ALCAM: variants seen among roughly 807,000 people sequenced by gnomAD.
ALCAM encodes CD166 antigen.
A neutral mutation model predicts 70.9 loss-of-function variants in ALCAM; 30 were observed. That is an observed-to-expected ratio of 0.42 (90% CI 0.32 to 0.57). The LOEUF (loss-of-function observed/expected upper bound fraction) is 0.57. Among genes scored for constraint, ALCAM ranks in the 20% least tolerant of loss-of-function variants. ALCAM has a pLI of 0.11. For missense variants in ALCAM, 591 were observed against 695.1 expected (o/e 0.85, Z 1.68); for synonymous variants, 249 against 242.5 (o/e 1.03, Z -0.25).
At chr3:105,448,248 A>T (rs756111433) in intron 1 of ALCAM, among the ~76,000 whole-genome samples, 2 of 152,184 alleles carry the variant, frequency 1.3e-5, no homozygotes, top group Non-Finnish European at 2.9e-5. Flanking sequence ...GATTTTTACC[A>T]CATTTCCACC....
chr3:105,529,616 C>G (rs1195470564), intron 3 of ALCAM, among the ~76,000 whole-genome samples: 1 of 152,080 alleles, frequency 6.6e-6, no homozygotes, highest in East Asian at 1.9e-4. Context: ...ACCCTCTTTT[C>G]CAAATAGAAA....
chr3:105,440,111 A>T (rs1308639243), intron 1 of ALCAM, among the ~76,000 whole-genome samples: 1 of 152,222 alleles, frequency 6.6e-6, no homozygotes, highest in Admixed American at 6.5e-5. Context: ...ATCAATGAAA[A>T]TTAACGTGAT....
chr3:105,368,854 A>AG (rs1466725496), intron 1 of ALCAM, among the ~76,000 whole-genome samples: 2 of 152,002 alleles, frequency 1.3e-5, no homozygotes. Context: ...TCTGAGGCTG[A>AG]GGGAAAAAAA....
intron 1 of ALCAM, among the ~76,000 whole-genome samples, chr3:105,491,636 A>G (rs1168964604): frequency 1.3e-5 from 2 of 152,160 alleles, no homozygotes; most frequent in Non-Finnish European, 2.9e-5. Flanking sequence ...CATCTCTCTC[A>G]AGTTCAAATT....
At chr3:105,546,636 T>G (rs1335910576) in intron 9 of ALCAM, among the ~76,000 whole-genome samples, 1 of 151,504 alleles carries the variant, frequency 6.6e-6, no homozygotes, top group African/African-American at 2.4e-5. Flanking sequence ...TTTAAACTGT[T>G]TGTACAATCA....
At chr3:105,458,942 T>C (rs1937568357) in intron 1 of ALCAM, among the ~76,000 whole-genome samples, 2 of 152,168 alleles carry the variant, frequency 1.3e-5, no homozygotes, top group Admixed American at 6.6e-5. Flanking sequence ...TAAATGCAAA[T>C]CTTTCTATAA....
intron 1 of ALCAM, among the ~76,000 whole-genome samples, chr3:105,477,134 G>C (rs1297120634): frequency 6.6e-6 from 1 of 151,850 alleles, no homozygotes; most frequent in Non-Finnish European, 1.5e-5. Flanking sequence ...CCAGTTTCAG[G>C]TATGTCTTTA....
chr3:105,408,001 C>G (rs1220072649), intron 1 of ALCAM, among the ~76,000 whole-genome samples: 1 of 152,000 alleles, frequency 6.6e-6, no homozygotes, highest in Non-Finnish European at 1.5e-5. Flanking sequence ...ATATACCTAA[C>G]TAAGGACGTG....
intron 2 of ALCAM, among the ~76,000 whole-genome samples, chr3:105,520,928 A>G (rs1176871901): frequency 1.3e-5 from 2 of 152,368 alleles, no homozygotes; most frequent in South Asian, 2.1e-4. Context: ...CCTGGACACA[A>G]TATCAAAATT....
chr3:105,553,949 G>A lies in ALCAM; in HGVS notation c.1664+1364G>A, dbSNP rs1223222450. On this transcript the variant is annotated intron_variant, in intron 14 of 15. Transcript: ENST00000306107. ...GGCAGAAACATTTCTCCTGTTGTGT[G>A]TTGTCACTGATGCACACGATGTCCA... 3.3e-5 allele frequency among the ~76,000 whole-genome samples: 5 copies of A among 151,816 alleles called. No homozygotes were observed. In the South Asian group the frequency reaches 8.3e-4, roughly 25 times the overall value.
At chr3:105,488,890 T>C (rs1486308579) in intron 1 of ALCAM, among the ~76,000 whole-genome samples, 1 of 152,182 alleles carries the variant, frequency 6.6e-6, no homozygotes, top group Non-Finnish European at 1.5e-5. Flanking sequence ...CAAGATTAGA[T>C]TGAACCTGGA....
At chr3:105,449,236 G>T (rs568014700) in intron 1 of ALCAM, among the ~76,000 whole-genome samples, 1 of 152,276 alleles carries the variant, frequency 6.6e-6, no homozygotes, top group East Asian at 1.9e-4. Flanking sequence ...CAGTGCTATT[G>T]TATGGTCTGC....
intron 1 of ALCAM, among the ~76,000 whole-genome samples, chr3:105,428,666 A>G (rs1395148693): frequency 6.6e-6 from 1 of 151,972 alleles, no homozygotes; most frequent in Non-Finnish European, 1.5e-5. Flanking sequence ...TGTATCTCTC[A>G]ATAAGTTCAC....
intron 1 of ALCAM, among the ~76,000 whole-genome samples, chr3:105,458,850 A>T (rs1158994950): frequency 1.3e-5 from 2 of 152,122 alleles, no homozygotes; most frequent in Non-Finnish European, 2.9e-5. Flanking sequence ...CTTACATGGC[A>T]TATTGCAGAA....
intron 6 of ALCAM, 57 bp from the exon 7 acceptor site, chr3:105,539,918 C>A: frequency 1.9e-6 from 3 of 1,576,230 alleles, no homozygotes; most frequent in Non-Finnish European, 2.6e-6. Flanking sequence ...ACATTGTATG[C>A]ACAGAGTAAT....
chr3:105,540,905 A>G (rs1940099536), intron 7 of ALCAM, among the ~76,000 whole-genome samples: 2 of 151,998 alleles, frequency 1.3e-5, no homozygotes, highest in African/African-American at 4.8e-5. Flanking sequence ...CTGACAGAAA[A>G]CTTTGTTTCT....
intron 1 of ALCAM, among the ~76,000 whole-genome samples, chr3:105,509,777 T>A (rs1939185604): frequency 6.6e-6 from 1 of 152,096 alleles, no homozygotes; most frequent in Non-Finnish European, 1.5e-5. Flanking sequence ...TTTTGGTGTC[T>A]TATCCAAAAA....
intron 1 of ALCAM, among the ~76,000 whole-genome samples, chr3:105,435,674 C>T (rs1023773730): frequency 2.0e-5 from 3 of 152,166 alleles, no homozygotes; most frequent in East Asian, 1.9e-4. Context: ...GAATCCAGAG[C>T]CTATATGATG....
chr3:105,381,891 TTTA>T (rs1263979040), intron 1 of ALCAM, among the ~76,000 whole-genome samples: 1 of 151,668 alleles, frequency 6.6e-6, no homozygotes. Context: ...AACTCTTTTT[TTTA>T]TTGTCATATT....
Sources: allele counts gnomAD v4.1 joint callset (sites outside exome capture counted in the v4.1 genomes callset), GRCh38; gene constraint gnomAD v4.1.1; transcripts MANE v1.5; gene names NCBI Gene and HGNC (gene_info 2026-07-23, HGNC 2026-07-21).